The following UPRT variants were observed in gnomAD, a reference collection of about 807,000 sequenced individuals.
UPRT encodes uracil phosphoribosyltransferase homolog.
Under a neutral mutation model 22.6 loss-of-function variants are expected in UPRT, and 5 were observed. The observed-to-expected ratio is 0.22, with a 90% CI of 0.12 to 0.47. UPRT has a LOEUF of 0.47. Among genes scored for constraint, UPRT ranks in the 20% least tolerant of loss-of-function variants. UPRT has a pLI of 0.99. For missense variants in UPRT, 181 were observed against 239.9 expected (o/e 0.75, Z 1.62); for synonymous variants, 77 against 87.7 (o/e 0.88, Z 0.68).
chrX:75,294,101 A>C (rs1023424120), intron 2 of UPRT, among the ~76,000 whole-genome samples: 3 of 110,393 alleles, frequency 2.7e-5, no homozygotes, highest in African/African-American at 9.9e-5. Context: ...CAGGGTAAGC[A>C]CTGTGTTTTC....
At chrX:75,228,447 T>C (rs1474977755) in intron 4 of UPRT, among the ~76,000 whole-genome samples, 2 of 111,712 alleles carry the variant, frequency 1.8e-5, no homozygotes, top group East Asian at 5.7e-4. Context: ...ACATTTCCCT[T>C]CATTTAGATT....
At chrX:75,173,094 G>A (rs1168982725) in intron 4 of UPRT, among the ~76,000 whole-genome samples, 2 of 111,520 alleles carry the variant, frequency 1.8e-5, no homozygotes, top group African/African-American at 6.5e-5. Flanking sequence ...GGTTTTCCAT[G>A]TCCTTATCAG....
chrX:75,244,821 C>A (rs182503592), intron 4 of UPRT, among the ~76,000 whole-genome samples: 1 of 110,849 alleles, frequency 9.0e-6, no homozygotes, highest in African/African-American at 3.3e-5. Context: ...ATAAAAAAAA[C>A]CCTGAAAGAT....
At chrX:75,249,038 C>A (rs888687223) in intron 4 of UPRT, among the ~76,000 whole-genome samples, 1 of 111,325 alleles carries the variant, frequency 9.0e-6, no homozygotes, top group Non-Finnish European at 1.9e-5. Context: ...CAGGCCTGCC[C>A]TAAAAGAGCT....
chrX:75,251,844 G>A (rs1261921622), intron 4 of UPRT, among the ~76,000 whole-genome samples: 72 of 111,054 alleles, frequency 6.5e-4, no homozygotes, highest in African/African-American at 2.3e-3. Context: ...AAACAGCATG[G>A]TACTGGTACC....
chrX:75,275,995 A>G (rs2082629606), intron 1 of UPRT, among the ~76,000 whole-genome samples: 1 of 111,970 alleles, frequency 8.9e-6, no homozygotes, highest in Non-Finnish European at 1.9e-5. Context: ...TACAGGTGTG[A>G]GCCACCATGC....
intron 4 of UPRT, among the ~76,000 whole-genome samples, chrX:75,193,439 G>T (rs1181868599): frequency 9.0e-6 from 1 of 111,257 alleles, no homozygotes; most frequent in Non-Finnish European, 1.9e-5. Context: ...ACGACTATGT[G>T]TCTTGAGGAT....
intron 3 of UPRT, among the ~76,000 whole-genome samples, chrX:75,296,920 G>A (rs190415784): frequency 2.7e-3 from 303 of 112,055 alleles, no homozygotes; most frequent in Non-Finnish European, 4.4e-3. Context: ...AGTAAATAAC[G>A]TAAAACTGTT....
intron 4 of UPRT, among the ~76,000 whole-genome samples, chrX:75,213,805 A>G (rs1394571876): frequency 8.9e-6 from 1 of 112,092 alleles, no homozygotes; most frequent in Non-Finnish European, 1.9e-5. Context: ...TATGCACCTA[A>G]CGATAGCATC....
intron 6 of UPRT, among the ~76,000 whole-genome samples, chrX:75,301,478 C>G (rs1015188784): frequency 2.7e-5 from 3 of 111,573 alleles, no homozygotes; most frequent in African/African-American, 9.8e-5. Context: ...CATTGCAGAA[C>G]AATTGGGAAT....
intron 4 of UPRT, among the ~76,000 whole-genome samples, chrX:75,230,846 G>A (rs1270466808): frequency 9.0e-6 from 1 of 111,625 alleles, no homozygotes; most frequent in Non-Finnish European, 1.9e-5. Context: ...ACCAAAGAAG[G>A]CAATAACAAT....
intron 4 of UPRT, among the ~76,000 whole-genome samples, chrX:75,261,566 G>C (rs1217196775): frequency 8.9e-6 from 1 of 111,770 alleles, no homozygotes; most frequent in African/African-American, 3.3e-5. Flanking sequence ...GGACCGGAAT[G>C]ATTCACAGCT....
chrX:75,180,685 TTTTTTTTTTG>T (rs1245271940), intron 4 of UPRT, among the ~76,000 whole-genome samples: 12 of 86,471 alleles, frequency 1.4e-4, no homozygotes, highest in African/African-American at 4.7e-4. Context: ...TTCTCTGTTT[TTTTTTTTTTG>T]TTTTTTTTTT....
chrX:75,232,125 G>A (rs1483094122), intron 4 of UPRT, among the ~76,000 whole-genome samples: 1 of 112,395 alleles, frequency 8.9e-6, no homozygotes, highest in Non-Finnish European at 1.9e-5. Flanking sequence ...TGCCTCACTT[G>A]GGAAGGGCAA....
intron 4 of UPRT, among the ~76,000 whole-genome samples, chrX:75,176,204 C>T (rs1435293734): frequency 9.0e-6 from 1 of 111,156 alleles, no homozygotes. Flanking sequence ...CAGATGTTTA[C>T]AACTCCAGTC....
chrX:75,285,008 G>T (rs896406045), intron 1 of UPRT, among the ~76,000 whole-genome samples: 5 of 110,981 alleles, frequency 4.5e-5, no homozygotes, highest in Non-Finnish European at 7.6e-5. Flanking sequence ...AGATGCCCAG[G>T]TCACTGGAGT....
intron 1 of UPRT, among the ~76,000 whole-genome samples, chrX:75,290,213 C>T (rs2082700998): frequency 8.9e-6 from 1 of 112,104 alleles, no homozygotes; most frequent in South Asian, 3.7e-4. Flanking sequence ...TGCTTATCAT[C>T]ACTAATCATC....
intron 4 of UPRT, among the ~76,000 whole-genome samples, chrX:75,211,125 G>C (rs1023071253): frequency 9.0e-6 from 1 of 110,863 alleles, no homozygotes; most frequent in Non-Finnish European, 1.9e-5. Flanking sequence ...TCTTGAGGAG[G>C]TTTGAGGAGA....
At chrX:75,295,299 A>G (rs1221191731) in intron 2 of UPRT, among the ~76,000 whole-genome samples, 1 of 110,263 alleles carries the variant, frequency 9.1e-6, no homozygotes. Flanking sequence ...CCAGTGTTGG[A>G]GGGGATGGGG....
Sources: gnomAD v4.1 joint callset for allele counts (sites outside exome capture counted in the v4.1 genomes callset) on GRCh38, gnomAD v4.1.1 for gene constraint, MANE v1.5 for transcripts, NCBI Gene and HGNC (gene_info 2026-07-23, HGNC 2026-07-21) for gene names.